The following FAM168B variants were observed in gnomAD, a reference collection of about 807,000 sequenced individuals.
FAM168B encodes the protein myelin-associated neurite-outgrowth inhibitor.
Under a neutral mutation model 21.8 loss-of-function variants are expected in FAM168B, and 19 were observed. The observed-to-expected ratio is 0.87, with a 90% CI of 0.61 to 1.28. The LOEUF is 1.28. FAM168B is among the 50% of genes most tolerant of loss of function. The pLI is 0.00. For missense variants in FAM168B, 233 were observed against 263.1 expected, an observed-to-expected ratio of 0.89 and a Z score of 0.79; for synonymous variants, 126 against 104.8, an observed-to-expected ratio of 1.20 and a Z score of -1.24.
At chr2:131,091,062 G>A (rs778617884) in intron 1 of FAM168B, among the ~76,000 whole-genome samples, 5 of 152,200 alleles carry the variant, frequency 3.3e-5, no homozygotes, top group African/African-American at 7.2e-5. Flanking sequence ...AGCTGGATAC[G>A]GTGGCTCACG....
chr2:131,055,535 G>A lies in FAM168B; in HGVS notation c.297+18C>T. The A allele has an allele frequency of 3.1e-6, 5 of 1,602,804 alleles. No homozygotes were observed. Among genetic ancestry groups the A allele is most frequent in the Non-Finnish European group, 4.3e-6 (5 of 1,176,116 alleles). On this transcript the variant is annotated intron_variant, in intron 4 of 6. Coordinates refer to ENST00000389915, the MANE Select transcript of FAM168B (RefSeq NM_001009993.4). ...TGGTATCACCCCTTCCCACACAGCA[G>A]TGTGTACCCAAGCATACCTGTGCAT...
intron 3 of FAM168B, among the ~76,000 whole-genome samples, chr2:131,058,466 TC>T (rs1692135182): frequency 6.6e-6 from 1 of 152,178 alleles, no homozygotes; most frequent in Non-Finnish European, 1.5e-5. Context: ...CCCAGATTTG[TC>T]TGCATCCAGA....
chr2:131,092,439 TC>T (rs2105619749), intron 1 of FAM168B, among the ~76,000 whole-genome samples: 1 of 152,342 alleles, frequency 6.6e-6, no homozygotes, highest in African/African-American at 2.4e-5. Flanking sequence ...GAATCTTTCA[TC>T]CATAGTATTT....
At chr2:131,092,821 A>G (rs1030229163) in intron 1 of FAM168B, among the ~76,000 whole-genome samples, 4 of 152,286 alleles carry the variant, frequency 2.6e-5, no homozygotes, top group African/African-American at 9.6e-5. Flanking sequence ...AAATAAAAAT[A>G]AAAATTATCT....
chr2:131,085,500 G>A (rs1693645989), intron 1 of FAM168B, among the ~76,000 whole-genome samples: 1 of 152,112 alleles, frequency 6.6e-6, no homozygotes, highest in East Asian at 1.9e-4. Flanking sequence ...AACACTCTAG[G>A]TGTCAAAATC....
At chr2:131,080,050 G>C (rs1243492474) in intron 2 of FAM168B, among the ~76,000 whole-genome samples, 1 of 151,950 alleles carries the variant, frequency 6.6e-6, no homozygotes, top group African/African-American at 2.4e-5. Flanking sequence ...GCGGGAGGCA[G>C]AGGTTGCAGT....
chr2:131,051,687 T>C lies in FAM168B; in HGVS notation c.*778A>G, dbSNP rs1691685841. The stretch of plus-strand genomic sequence containing the variant: ...AAATTTAGATAGCAGAGAAACTGCT[T>C]TGCTGACACATAAACCACCCCCCTC... On this transcript the variant is annotated 3_prime_UTR_variant, in exon 7 of 7. Transcript: ENST00000389915. 2.0e-6 allele frequency: 2 copies of C among 985,072 alleles called. No individual in the cohort carries two copies. The highest frequency in any genetic ancestry group is 4.7e-5 in the South Asian group (1 of 21,278). 61.0% of individuals were successfully genotyped at this position (985,072 alleles called of 1,614,324 possible). A position where few individuals can be genotyped will look rare whatever the true frequency, so the allele number is the denominator to read the frequency against.
chr2:131,079,346 A>G (rs11694994), intron 2 of FAM168B, among the ~76,000 whole-genome samples: 36,418 of 152,140 alleles, frequency 0.24, 6,381 homozygotes, highest in African/African-American at 0.5. Flanking sequence ...CACGCACCAC[A>G]TACCTGTAAT....
In FAM168B at chr2:131,089,704, C is replaced by T. The variant is rs112086194; in HGVS notation, c.-12+3510G>A. ...CTGCACTCCAGTCTGGGCAACAGAG[C>T]GAGACTCCATCTCAAAAAAAAAAAA... is the stretch of plus-strand genomic sequence containing the variant. On this transcript the variant is annotated intron_variant, in intron 1 of 6. Transcript: ENST00000389915. Among the ~76,000 whole-genome samples the T allele has an allele frequency of 7.5e-5, 10 of 133,848 alleles. No homozygotes were observed. In the East Asian group the frequency reaches 2.0e-3, roughly 27 times the overall value. 87.8% of individuals were successfully genotyped at this position (133,848 alleles called of 152,430 possible).
intron 3 of FAM168B, among the ~76,000 whole-genome samples, chr2:131,057,101 G>A (rs531704575): frequency 2.0e-5 from 3 of 152,252 alleles, no homozygotes; most frequent in East Asian, 3.9e-4. Context: ...CAGGAGGGGT[G>A]GAGCACTCAC....
At chr2:131,071,251 G>C (rs763061616) in intron 3 of FAM168B, among the ~76,000 whole-genome samples, 2 of 152,178 alleles carry the variant, frequency 1.3e-5, no homozygotes, top group Non-Finnish European at 1.5e-5. Flanking sequence ...CCTCAGATCA[G>C]AGTGTGCACC....
At chr2:131,073,017 A>G (rs186408951) in intron 2 of FAM168B, among the ~76,000 whole-genome samples, 3 of 152,252 alleles carry the variant, frequency 2.0e-5, no homozygotes, top group Admixed American at 6.5e-5. Flanking sequence ...ACATATTTTG[A>G]CTTAAAAGCT....
intron 3 of FAM168B, among the ~76,000 whole-genome samples, chr2:131,069,121 G>GT (rs1472530481): frequency 1.3e-5 from 2 of 152,224 alleles, no homozygotes; most frequent in Non-Finnish European, 2.9e-5. Context: ...CCTCTGCTAG[G>GT]CAGTGCTGCA....
At chr2:131,059,350 G>A (rs760639215) in intron 3 of FAM168B, among the ~76,000 whole-genome samples, 7 of 152,162 alleles carry the variant, frequency 4.6e-5, no homozygotes, top group Admixed American at 1.3e-4. Flanking sequence ...GATGAGGGAC[G>A]TCAAGGGTCA....
At chr2:131,071,560 G>C (rs368189243) in intron 3 of FAM168B, among the ~76,000 whole-genome samples, 279 of 152,280 alleles carry the variant, frequency 1.8e-3, no homozygotes, top group Non-Finnish European at 3.1e-3. Flanking sequence ...TGTTGGCATG[G>C]CAAGAAATTC....
At chr2:131,068,684 G>A (rs1488276201) in intron 3 of FAM168B, among the ~76,000 whole-genome samples, 2 of 152,154 alleles carry the variant, frequency 1.3e-5, no homozygotes, top group Non-Finnish European at 2.9e-5. Flanking sequence ...GGACAACACA[G>A]GCCTTACCTC....
At position 131,048,053 on chromosome 2, in the gene FAM168B, T is replaced by C. The variant is rs1691391393; in HGVS notation, c.*4412A>G. On this transcript the variant is annotated 3_prime_UTR_variant, in exon 7 of 7. Transcript: ENST00000389915. The stretch of plus-strand genomic sequence containing the variant: ...GGCTCAGGATGGAAATTCCATTCCT[T>C]GGCATGGATACGTAAGTTCAATGCA... The C allele has an allele frequency of 3.9e-6, 2 of 516,348 alleles. No homozygotes were observed. The highest frequency in any genetic ancestry group is 5.7e-6 in the Non-Finnish European group (2 of 348,878). The allele number at this position is 516,348 out of a possible 1,614,324, so 32.0% of individuals were successfully genotyped here. A position where few individuals can be genotyped will look rare whatever the true frequency, so the allele number is the denominator to read the frequency against.
chr2:131,051,569 T>C lies in FAM168B; in HGVS notation c.*896A>G. Reference sequence around the variant, plus strand: ...CAAGCATGGCTGTTTCTCTTTCACATTTCTTCCATCCCAGGAAAATAATTT... The same window carrying C: ...CAAGCATGGCTGTTTCTCTTTCACACTTCTTCCATCCCAGGAAAATAATTT... On this transcript the variant is annotated 3_prime_UTR_variant, in exon 7 of 7. Coordinates refer to ENST00000389915, the MANE Select transcript of FAM168B (RefSeq NM_001009993.4). 1 of 985,318 alleles carries C rather than the reference T, an allele frequency of 1.0e-6. No individual in the cohort carries two copies. Among genetic ancestry groups the C allele is most frequent in the Non-Finnish European group, 1.2e-6 (1 of 829,912 alleles). The allele number at this position is 985,318 out of a possible 1,614,324, so 61.0% of individuals were successfully genotyped here.
At chr2:131,091,673 G>T (rs1694039901) in intron 1 of FAM168B, among the ~76,000 whole-genome samples, 1 of 151,046 alleles carries the variant, frequency 6.6e-6, no homozygotes, top group South Asian at 2.1e-4. Context: ...AAAAAGAAAA[G>T]AAGTTCTCTC....
Sources: allele counts gnomAD v4.1 joint callset (sites outside exome capture counted in the v4.1 genomes callset), GRCh38; gene constraint gnomAD v4.1.1; transcripts MANE v1.5; gene names NCBI Gene and HGNC (gene_info 2026-07-23, HGNC 2026-07-21).